Variants in MCC observed in about 807,000 individuals in gnomAD.
MCC encodes the protein MCC regulator of Wnt signaling pathway.
MCC carries 90 observed loss-of-function variants against 116.2 expected under a neutral mutation model. That is an observed-to-expected ratio of 0.77 (90% CI 0.65 to 0.92). The LOEUF is 0.92. MCC is among the 40% of genes least tolerant of loss of function. MCC has a pLI of 0.00. For synonymous variants in MCC, 578 were observed against 510.5 expected (o/e 1.13, Z -1.78); for missense variants, 1,516 against 1,312.2 (o/e 1.16, Z -2.40).
chr5:113,426,809 A>G (rs1770497635), intron 1 of MCC, among the ~76,000 whole-genome samples: 1 of 152,190 alleles, frequency 6.6e-6, no homozygotes, highest in Middle Eastern at 3.2e-3. Context: ...TTAATTGGAA[A>G]CTAAAACTTC....
At chr5:113,180,655 C>T (rs1761580532) in intron 3 of MCC, among the ~76,000 whole-genome samples, 1 of 152,108 alleles carries the variant, frequency 6.6e-6, no homozygotes, top group Admixed American at 6.6e-5. Flanking sequence ...TTCTGGTAAG[C>T]CATTTTTGCC....
At chr5:113,359,261 C>T (rs1768487569) in intron 2 of MCC, among the ~76,000 whole-genome samples, 1 of 152,192 alleles carries the variant, frequency 6.6e-6, no homozygotes, top group South Asian at 2.1e-4. Context: ...TCCCCTTCCC[C>T]CACCCCAAGA....
chr5:113,101,045 C>T (rs970632054), intron 8 of MCC, among the ~76,000 whole-genome samples: 5 of 152,164 alleles, frequency 3.3e-5, no homozygotes, highest in African/African-American at 1.2e-4. Flanking sequence ...TTTAACAATT[C>T]TGCCGAACAT....
At chr5:113,478,424 C>T (rs1772289553) in intron 1 of MCC, among the ~76,000 whole-genome samples, 1 of 152,068 alleles carries the variant, frequency 6.6e-6, no homozygotes, top group South Asian at 2.1e-4. Flanking sequence ...GTAGGGTTGC[C>T]AATGGGTTGG....
chr5:113,236,372 G>C (rs1393988022), intron 3 of MCC, among the ~76,000 whole-genome samples: 2 of 152,186 alleles, frequency 1.3e-5, no homozygotes, highest in Non-Finnish European at 2.9e-5. Context: ...TCCGGGACCA[G>C]AGAAAGGCAG....
chr5:113,446,254 T>C (rs763330956), intron 1 of MCC, among the ~76,000 whole-genome samples: 1 of 152,106 alleles, frequency 6.6e-6, no homozygotes, highest in Non-Finnish European at 1.5e-5. Flanking sequence ...AAGCATGACA[T>C]AATTAAACTA....
intron 2 of MCC, among the ~76,000 whole-genome samples, chr5:113,354,508 C>T (rs2150383125): frequency 6.6e-6 from 1 of 150,524 alleles, no homozygotes; most frequent in Admixed American, 6.6e-5. Flanking sequence ...GATCTCGGCT[C>T]ACTGCAATCT....
intron 3 of MCC, among the ~76,000 whole-genome samples, chr5:113,171,047 T>C (rs548957598): frequency 2.6e-5 from 4 of 152,174 alleles, no homozygotes; most frequent in Admixed American, 6.5e-5. Context: ...CATGTGACCA[T>C]GTCCTGGCAG....
At chr5:113,195,976 T>C (rs1310030695) in intron 3 of MCC, among the ~76,000 whole-genome samples, 1 of 152,208 alleles carries the variant, frequency 6.6e-6, no homozygotes, top group Non-Finnish European at 1.5e-5. Context: ...TTCCAACTAC[T>C]GAAATCCTAC....
rs980521256 is a variant in MCC, at chr5:113,022,312, T to G, written c.*4990A>C. 1.3e-5 allele frequency: 2 copies of G among 152,680 alleles called. No homozygotes were observed. Among genetic ancestry groups the G allele is most frequent in the Non-Finnish European group, 2.9e-5 (2 of 68,042 alleles). The allele number at this position is 152,680 out of a possible 1,614,324, so 9.5% of individuals were successfully genotyped here. A position where few individuals can be genotyped will look rare whatever the true frequency, so the allele number is the denominator to read the frequency against. ...AAAATTACAAGGTATAGTACAGTGT[T>G]AAGTAGCAATTTTAAAATGAGACTT... On this transcript the variant is annotated 3_prime_UTR_variant, in exon 19 of 19. Coordinates refer to ENST00000408903, the MANE Select transcript of MCC (RefSeq NM_001085377.2).
At position 113,128,503 on chromosome 5, in the gene MCC, A is replaced by T. The variant is rs533367341; in HGVS notation, c.885-5677T>A. Among the ~76,000 whole-genome samples, 4 of 152,378 alleles carry T rather than the reference A, an allele frequency of 2.6e-5. No homozygotes were observed. In the South Asian group the frequency reaches 6.2e-4, roughly 24 times the overall value. The stretch of plus-strand genomic sequence containing the variant: ...TATTACATACAGGAAATAAGTGATG[A>T]ATAAAGTCCTCGTTCTTTCTTCAAT... On this transcript the variant is annotated intron_variant, in intron 5 of 18. Transcript: ENST00000408903.
intron 1 of MCC, among the ~76,000 whole-genome samples, chr5:113,395,355 T>C (rs114102547): frequency 0.018 from 2,761 of 152,264 alleles, 34 homozygotes; most frequent in Middle Eastern, 0.027. Flanking sequence ...CTTGGGACCC[T>C]AAATTCACTA....
In MCC at chr5:113,465,648, G is replaced by A. The variant is rs149442813; in HGVS notation, c.170+22597C>T. ...AAGATTAGGATCTCTAATATACGAA[G>A]ACCTCTTAGAAATCAAAAGAAAAAT... is the stretch of plus-strand genomic sequence containing the variant. On this transcript the variant is annotated intron_variant, in intron 1 of 18. Transcript: ENST00000408903. Among the ~76,000 whole-genome samples the A allele has an allele frequency of 5.9e-5, 9 of 152,116 alleles. No individual in the cohort carries two copies. In the East Asian group the frequency reaches 1.7e-3, roughly 29 times the overall value.
chr5:113,095,700 A>ATT (rs199840111), intron 8 of MCC, among the ~76,000 whole-genome samples: 1 of 148,630 alleles, frequency 6.7e-6, no homozygotes, highest in African/African-American at 2.5e-5. Context: ...AAAAAAAAAA[A>ATT]TTTTTTTTTT....
In MCC at chr5:113,061,674, G is replaced by A. The variant is rs566697384; in HGVS notation, c.2213+2310C>T. On this transcript the variant is annotated intron_variant, in intron 14 of 18. Transcript: ENST00000408903. ...AAACCATTAACCCTCCTGTCGTTAG[G>A]AGCTGCCTATGGGCTGCCAGAAATG... is the stretch of plus-strand genomic sequence containing the variant. Among the ~76,000 whole-genome samples the A allele has an allele frequency of 1.8e-4, 27 of 152,266 alleles. No homozygotes were observed. The South Asian group carries it at 5.0e-3, about 28-fold the overall frequency.
At chr5:113,305,977 C>G (rs1360560728) in intron 3 of MCC, among the ~76,000 whole-genome samples, 2 of 152,192 alleles carry the variant, frequency 1.3e-5, no homozygotes, top group African/African-American at 4.8e-5. Context: ...TTTACCTATT[C>G]TGGACACACC....
chr5:113,111,713 TC>T (rs1246595584), intron 6 of MCC, among the ~76,000 whole-genome samples: 1 of 152,186 alleles, frequency 6.6e-6, no homozygotes, highest in African/African-American at 2.4e-5. Context: ...TCGTTACACG[TC>T]ATTTCATTTA....
chr5:113,293,854 G>T (rs1312184293), intron 3 of MCC, among the ~76,000 whole-genome samples: 1 of 152,136 alleles, frequency 6.6e-6, no homozygotes, highest in African/African-American at 2.4e-5. Context: ...TTGCCTGAAC[G>T]TAGCCAAACG....
rs776336779 is a variant in MCC at position 113,033,715 on chromosome 5, GCACT to G, written c.2757-4663_2757-4660del. Among the ~76,000 whole-genome samples the G allele has an allele frequency of 4.6e-5, 7 of 152,090 alleles. No individual in the cohort carries two copies. The East Asian group carries it at 1.4e-3, about 29-fold the overall frequency. The stretch of plus-strand genomic sequence containing the variant: ...TCCTTTTTTATGCCCAGTAGTATTG[GCACT>G]CACAAATATACCCCATAGCATCAAG... On this transcript the variant is annotated intron_variant, in intron 17 of 18. Transcript: ENST00000408903.
Sources: allele counts gnomAD v4.1 joint callset (sites outside exome capture counted in the v4.1 genomes callset), GRCh38; gene constraint gnomAD v4.1.1; transcripts MANE v1.5; gene names NCBI Gene and HGNC (gene_info 2026-07-23, HGNC 2026-07-21).